The following UXT variants were observed in gnomAD, a reference collection of about 807,000 sequenced individuals.
UXT encodes the protein protein UXT.
For missense variants in UXT, 111 were observed against 132.7 expected (o/e 0.84, Z 0.80); for synonymous variants, 54 against 52.8 (o/e 1.02, Z -0.10).
At chrX:47,656,643 G>A (rs776928496) in intron 4 of UXT, among the ~76,000 whole-genome samples, 1 of 111,466 alleles carries the variant, frequency 9.0e-6, no homozygotes, top group East Asian at 2.8e-4. Context: ...GTGGGTACTG[G>A]GGGAAAGAGC....
chrX:47,652,282 T>C (rs1473272893), intron 4 of UXT, 138 bp from the exon 6 acceptor site: 8 of 574,781 alleles, frequency 1.4e-5, no homozygotes, highest in Non-Finnish European at 2.2e-5. Flanking sequence ...AGCCACCATC[T>C]GGTTTTCACT....
chrX:47,656,866 C>T (rs1284003929), intron 4 of UXT, among the ~76,000 whole-genome samples: 1 of 112,201 alleles, frequency 8.9e-6, no homozygotes, highest in Non-Finnish European at 1.9e-5. Flanking sequence ...TTATGTATAA[C>T]AGTATAGTCC....
At position 47,659,092 on chromosome X, in the gene UXT, G is replaced by A; in HGVS notation, c.-129C>T. The A allele has an allele frequency of 9.7e-7, 1 of 1,031,809 alleles. No individual in the cohort carries two copies. Among genetic ancestry groups the A allele is most frequent in the Non-Finnish European group, 1.3e-6 (1 of 748,367 alleles). The allele number at this position is 1,031,809 out of a possible 1,213,427, so 85.0% of individuals were successfully genotyped here. ...CCAACTCGGGGACCCGACCACCCAG[G>A]GACACCCAAGCGCGGCCTTTACCTC... On this transcript the variant is annotated 5_prime_UTR_variant, in exon 1 of 6. Transcript: ENST00000335890.
rs753163278 is a variant in UXT at position 47,657,774 on chromosome X, G to A, written c.216+8C>T. Reference sequence around the variant, plus strand: ...CAAAAAAATGGTACCCAATCCCATAGTCTTTACCTGGAGTCGCTCAATGAC... The same window carrying A: ...CAAAAAAATGGTACCCAATCCCATAATCTTTACCTGGAGTCGCTCAATGAC... On this transcript the variant is annotated splice_region_variant and intron_variant, in intron 2 of 5. Transcript: ENST00000335890. 1 of 1,191,821 alleles carries A rather than the reference G, an allele frequency of 8.4e-7. No homozygotes were observed. The highest frequency in any genetic ancestry group is 1.9e-5 in the South Asian group (1 of 53,442).
rs1157533635 is a variant in UXT at position 47,658,944 on chromosome X, G to A, written c.20C>T (p.Thr7Ile). Residue 7 changes from threonine (T) to isoleucine (I), a missense_variant, in exon 1 of 6, where the codon ACT becomes ATT. Transcript: ENST00000335890. ...CGTCGCCATGATGGGCTCCTGGGGAGTGGGGAGGGGGAAGACCATGTTGAC... is the reference window on the plus strand; with the variant it reads ...CGTCGCCATGATGGGCTCCTGGGGAATGGGGAGGGGGAAGACCATGTTGAC... 1 of 1,208,760 alleles carries A rather than the reference G, an allele frequency of 8.3e-7. No homozygotes were observed. Among genetic ancestry groups the A allele is most frequent in the Non-Finnish European group, 1.1e-6 (1 of 893,497 alleles).
chrX:47,657,988 A>G, intron 1 of UXT, 125 bp from the exon 3 acceptor site: 1 of 502,431 alleles, frequency 2.0e-6, no homozygotes. Flanking sequence ...TGCATAAGTT[A>G]ATTTTCGGCT....
chrX:47,653,299 C>T (rs1263528786), intron 4 of UXT, among the ~76,000 whole-genome samples: 1 of 111,995 alleles, frequency 8.9e-6, no homozygotes, highest in East Asian at 2.8e-4. Flanking sequence ...GTAGTATGAA[C>T]CCATGTATAT....
At chrX:47,652,917 T>C (rs2058072426) in intron 4 of UXT, among the ~76,000 whole-genome samples, 1 of 112,084 alleles carries the variant, frequency 8.9e-6, no homozygotes, top group Non-Finnish European at 1.9e-5. Context: ...GGATCAGATC[T>C]CGCCCAAAAG....
At position 47,658,918 on chromosome X, in the gene UXT, G is replaced by A; in HGVS notation, c.46C>T (p.Pro16Ser). ...GCCTCCACCGCCCGCCGCTTAGGGGGCGTCGCCATGATGGGCTCCTGGGGA... is the reference window on the plus strand; with the variant it reads ...GCCTCCACCGCCCGCCGCTTAGGGGACGTCGCCATGATGGGCTCCTGGGGA... Residue 16 changes from proline to serine, a missense_variant, in exon 1 of 6, where the codon CCC (proline) becomes TCC (serine). By Grantham distance (74) the Pro-to-Ser change is moderately conservative. Transcript: ENST00000335890. 1.7e-6 allele frequency: 2 copies of A among 1,196,456 alleles called. No individual in the cohort carries two copies. The highest frequency in any genetic ancestry group is 2.3e-6 in the Non-Finnish European group (2 of 886,037).
intron 4 of UXT, 86 bp from the exon 6 acceptor site, chrX:47,652,230 C>T: frequency 1.1e-6 from 1 of 898,474 alleles, no homozygotes; most frequent in Non-Finnish European, 1.6e-6. Flanking sequence ...TACTTATATC[C>T]TGGATGATTT....
chrX:47,658,824 A>G lies in UXT; in HGVS notation c.134+6T>C. 8.8e-7 allele frequency: 1 copy of G among 1,134,768 alleles called. No individual in the cohort carries two copies. 93.5% of individuals were successfully genotyped at this position (1,134,768 alleles called of 1,213,427 possible). The stretch of plus-strand genomic sequence containing the variant: ...CAAACGCCCCGCCCCCCGCACTGTC[A>G]CTCACCGCAAGTCCCGCTGCAGCAC... On this transcript the variant is annotated splice_donor_region_variant and intron_variant, in intron 1 of 5. Transcript: ENST00000335890.
At chrX:47,652,827 A>G (rs1199177078) in intron 4 of UXT, among the ~76,000 whole-genome samples, 1 of 111,942 alleles carries the variant, frequency 8.9e-6, no homozygotes, top group African/African-American at 3.3e-5. Flanking sequence ...GTGAGATGGG[A>G]GCCAAGGGAA....
In UXT at chrX:47,659,072, T is replaced by C; in HGVS notation, c.-109A>G. 8.8e-7 allele frequency: 1 copy of C among 1,131,797 alleles called. No individual in the cohort carries two copies. Among genetic ancestry groups the C allele is most frequent in the South Asian group, 1.9e-5 (1 of 52,889 alleles). The allele number at this position is 1,131,797 out of a possible 1,213,427, so 93.3% of individuals were successfully genotyped here. A position where few individuals can be genotyped will look rare whatever the true frequency, so the allele number is the denominator to read the frequency against. ...GGTTCAGCCTTCCGCCCCTCCCAAC[T>C]CGGGGACCCGACCACCCAGGGACAC... On this transcript the variant is annotated 5_prime_UTR_variant, in exon 1 of 6. Transcript: ENST00000335890.
chrX:47,659,006 C>T lies in UXT; in HGVS notation c.-43G>A. 8.3e-7 allele frequency: 1 copy of T among 1,210,289 alleles called. No individual in the cohort carries two copies. The highest frequency in any genetic ancestry group is 1.1e-6 in the Non-Finnish European group (1 of 894,234). ...GGCCTCACACACAGTTCATCTCTAC[C>T]CTCTCAACGCTGGGAATCGGCTTGT... On this transcript the variant is annotated 5_prime_UTR_variant, in exon 1 of 6. Transcript: ENST00000335890.
chrX:47,658,821 GTCAC>G lies in UXT; in HGVS notation c.134+5_134+8del. 8.8e-7 allele frequency: 1 copy of G among 1,137,387 alleles called. No homozygotes were observed. The highest frequency in any genetic ancestry group is 1.2e-6 in the Non-Finnish European group (1 of 859,135). 93.7% of individuals were successfully genotyped at this position (1,137,387 alleles called of 1,213,427 possible). On this transcript the variant is annotated splice_donor_5th_base_variant and intron_variant, in intron 1 of 5. Transcript: ENST00000335890. ...TTCCAAACGCCCCGCCCCCCGCACT[GTCAC>G]TCACCGCAAGTCCCGCTGCAGCACG...
intron 1 of UXT, among the ~76,000 whole-genome samples, chrX:47,658,149 G>A (rs1004558393): frequency 9.0e-6 from 1 of 110,830 alleles, no homozygotes; most frequent in African/African-American, 3.3e-5. Context: ...TTAAATGAGC[G>A]TTTACTACAA....
intron 1 of UXT, 128 bp from the exon 3 acceptor site, chrX:47,657,991 T>A: frequency 4.0e-6 from 2 of 502,365 alleles, no homozygotes; most frequent in Non-Finnish European, 5.9e-6. Flanking sequence ...ATAAGTTAAT[T>A]TTCGGCTCTG....
intron 1 of UXT, 121 bp from the exon 3 acceptor site, chrX:47,657,984 A>T: frequency 1.8e-6 from 1 of 547,367 alleles, no homozygotes; most frequent in Non-Finnish European, 2.6e-6. Flanking sequence ...TTAGTGCATA[A>T]GTTAATTTTC....
rs1233335216 is a variant in UXT, at chrX:47,659,081, C to A, written c.-118G>T. On this transcript the variant is annotated 5_prime_UTR_variant, in exon 1 of 6. Coordinates refer to ENST00000335890, the MANE Select transcript of UXT (RefSeq NM_153477.3). Reference sequence around the variant, plus strand: ...TTCCGCCCCTCCCAACTCGGGGACCCGACCACCCAGGGACACCCAAGCGCG... The same window carrying A: ...TTCCGCCCCTCCCAACTCGGGGACCAGACCACCCAGGGACACCCAAGCGCG... The A allele has an allele frequency of 9.1e-7, 1 of 1,097,113 alleles. No homozygotes were observed. The highest frequency in any genetic ancestry group is 3.2e-5 in the East Asian group (1 of 31,462). The allele number at this position is 1,097,113 out of a possible 1,213,427, so 90.4% of individuals were successfully genotyped here.
Sources: allele counts gnomAD v4.1 joint callset (sites outside exome capture counted in the v4.1 genomes callset), GRCh38; gene constraint gnomAD v4.1.1; transcripts MANE v1.5; gene names NCBI Gene and HGNC (gene_info 2026-07-23, HGNC 2026-07-21).